Variants in EXOC7 observed in about 807,000 individuals in gnomAD.
EXOC7 encodes exocyst complex component Exo70.
Under a neutral mutation model 87.6 loss-of-function variants are expected in EXOC7, and 51 were observed. The ratio of observed to expected loss-of-function variants is 0.58; its 90% CI spans 0.46 to 0.73. EXOC7 has a LOEUF of 0.73. Among genes scored for constraint, EXOC7 ranks in the 30% least tolerant of loss-of-function variants. The pLI is 0.00. For missense variants in EXOC7, 744 were observed against 888.4 expected (o/e 0.84, Z 2.07); for synonymous variants, 327 against 357.1 (o/e 0.92, Z 0.95).
rs535056333 is a variant in EXOC7 at position 76,082,372 on chromosome 17, G to A, written c.*1276C>T. On this transcript the variant is annotated 3_prime_UTR_variant, in exon 19 of 19. Coordinates refer to ENST00000589210, the MANE Select transcript of EXOC7 (RefSeq NM_001013839.4). ...CAGCTGAGAATCTAAGAAAGGAAGC[G>A]ATACAGGCTGATGACCCCTGGGGTT... The A allele has an allele frequency of 6.1e-6, 8 of 1,321,262 alleles. No homozygotes were observed. Among genetic ancestry groups the A allele is most frequent in the African/African-American group, 4.4e-5 (3 of 67,870 alleles). The allele number at this position is 1,321,262 out of a possible 1,614,324, so 81.8% of individuals were successfully genotyped here.
chr17:76,095,027 C>T (rs2067683159), intron 5 of EXOC7, among the ~76,000 whole-genome samples: 1 of 151,896 alleles, frequency 6.6e-6, no homozygotes, highest in South Asian at 2.1e-4. Flanking sequence ...GTGGTGTGAT[C>T]TTGGCTCACC....
In EXOC7 at chr17:76,097,873, A is replaced by G. The variant is rs2067850519; in HGVS notation, c.563T>C (p.Leu188Pro). 6.2e-7 allele frequency: 1 copy of G among 1,614,150 alleles called. No homozygotes were observed. The highest frequency in any genetic ancestry group is 8.5e-7 in the Non-Finnish European group (1 of 1,180,024). ...DDLEAQEDVTLEHLPESVLQD... is the reference protein window; with the variant it reads ...DDLEAQEDVTPEHLPESVLQD... ...GAGCACGCTCTCGGGCAGGTGCTCC[A>G]GGGTCACGTCCTCCTGGGCCTCCAG... is the stretch of plus-strand genomic sequence containing the variant. The change falls in exon 5 of 19, where the codon CTG becomes CCG. Residue 188 changes from leucine to proline, a missense_variant. Leu to Pro is a moderately conservative substitution (Grantham distance 98). Transcript: ENST00000589210.
intron 4 of EXOC7, among the ~76,000 whole-genome samples, chr17:76,100,276 G>A (rs1444105721): frequency 1.3e-5 from 2 of 152,078 alleles, no homozygotes; most frequent in Admixed American, 1.3e-4. Flanking sequence ...TGGAGATAAT[G>A]GTGATGGCTA....
intron 3 of EXOC7, 72 bp from the exon 4 acceptor site, chr17:76,101,448 A>C: frequency 6.4e-7 from 1 of 1,569,572 alleles, no homozygotes; most frequent in Non-Finnish European, 8.6e-7. Context: ...AGTATTTGGG[A>C]AAAAGAAAAT....
rs776415476 is a variant in EXOC7 at position 76,097,751 on chromosome 17, C to T, written c.640+45G>A. Reference sequence around the variant, plus strand: ...AAAAAAGAACAAAGGGGAGAAAACTCCCTCTGCCTCTGGTGTGTCATGTGG... The same window carrying T: ...AAAAAAGAACAAAGGGGAGAAAACTTCCTCTGCCTCTGGTGTGTCATGTGG... On this transcript the variant is annotated intron_variant, in intron 5 of 18. Transcript: ENST00000589210. 6.0e-6 allele frequency: 7 copies of T among 1,169,738 alleles called. No individual in the cohort carries two copies. In the Admixed American group the frequency reaches 1.3e-4, roughly 22 times the overall value. 72.5% of individuals were successfully genotyped at this position (1,169,738 alleles called of 1,614,324 possible). A position where few individuals can be genotyped will look rare whatever the true frequency, so the allele number is the denominator to read the frequency against.
chr17:76,088,621 C>T, intron 9 of EXOC7, 59 bp from the exon 10 acceptor site: 2 of 1,595,472 alleles, frequency 1.3e-6, no homozygotes, highest in East Asian at 2.2e-5. Context: ...GCATCTCACT[C>T]ACCCAGGGCC....
At chr17:76,096,214 G>A (rs954243543) in intron 5 of EXOC7, among the ~76,000 whole-genome samples, 2 of 152,100 alleles carry the variant, frequency 1.3e-5, no homozygotes, top group African/African-American at 4.8e-5. Flanking sequence ...AGAGTTGGAG[G>A]GCTAAAAAGT....
rs759435893 is a variant in EXOC7, at chr17:76,089,216, GGAT to G, written c.1003_1005del (p.Ile335del). The G allele has an allele frequency of 6.2e-7, 1 of 1,614,024 alleles. No individual in the cohort carries two copies. ...AAGGTCTTCTTCTGGTGGTGCTCGG[GGAT>G]GATGTCGGCCAGCAGCTGGTACTCG... On this transcript the variant is annotated inframe_deletion, in exon 8 of 19. Coordinates refer to ENST00000589210, the MANE Select transcript of EXOC7 (RefSeq NM_001013839.4).
chr17:76,089,224 T>C lies in EXOC7; in HGVS notation c.998A>G (p.Asp333Gly). 6.2e-7 allele frequency: 1 copy of C among 1,613,992 alleles called. No homozygotes were observed. Among genetic ancestry groups the C allele is most frequent in the Non-Finnish European group, 8.5e-7 (1 of 1,179,984 alleles). ...LAQSEYQLLA[D>G]IIPEHHQKKT... The stretch of plus-strand genomic sequence containing the variant: ...CTTCTGGTGGTGCTCGGGGATGATG[T>C]CGGCCAGCAGCTGGTACTCGCTCTG... The change falls in exon 8 of 19, where the codon GAC becomes GGC. Residue 333 changes from aspartate to glycine, a missense_variant. Asp to Gly is a moderately conservative substitution (Grantham distance 94). Coordinates refer to ENST00000589210, the MANE Select transcript of EXOC7 (RefSeq NM_001013839.4).
rs757934380 is a variant in EXOC7 at position 76,081,995 on chromosome 17, GC to G, written c.*1652del. The G allele has an allele frequency of 9.9e-6, 16 of 1,611,932 alleles. No individual in the cohort carries two copies. The highest frequency in any genetic ancestry group is 1.4e-5 in the Non-Finnish European group (16 of 1,179,610). Reference sequence around the variant, plus strand: ...TGGGGCCAAGAGCGGCCCCAGCCCAGCCCCGAGAGGGGAACAGCGAGAGCAC... The same window carrying G: ...TGGGGCCAAGAGCGGCCCCAGCCCAGCCCGAGAGGGGAACAGCGAGAGCAC... On this transcript the variant is annotated 3_prime_UTR_variant, in exon 19 of 19. Coordinates refer to ENST00000589210, the MANE Select transcript of EXOC7 (RefSeq NM_001013839.4).
At chr17:76,086,169 T>C (rs994614665) in intron 12 of EXOC7, 24 bp from the exon 13 acceptor site, 7 of 1,611,564 alleles carry the variant, frequency 4.3e-6, no homozygotes, top group African/African-American at 1.3e-5. Context: ...AGTCCTGTTA[T>C]TGCAGTGGCA....
chr17:76,103,719 C>T lies in EXOC7; in HGVS notation c.-27G>A, dbSNP rs2035345834. On this transcript the variant is annotated 5_prime_UTR_variant, in exon 1 of 19. Coordinates refer to ENST00000589210, the MANE Select transcript of EXOC7 (RefSeq NM_001013839.4). ...GCTCTGAACCCCGCGGCTCCCACTCCCCAGTATCTTTCCTCCGCGGGCCCA... is the reference window on the plus strand; with the variant it reads ...GCTCTGAACCCCGCGGCTCCCACTCTCCAGTATCTTTCCTCCGCGGGCCCA... 1.9e-6 allele frequency: 3 copies of T among 1,590,102 alleles called. No individual in the cohort carries two copies. Among genetic ancestry groups the T allele is most frequent in the Non-Finnish European group, 2.6e-6 (3 of 1,169,152 alleles).
At chr17:76,088,438 G>C in intron 10 of EXOC7, 26 bp downstream of exon 10, 1 of 1,604,918 alleles carries the variant, frequency 6.2e-7, no homozygotes, top group Non-Finnish European at 8.5e-7. Flanking sequence ...CCGGGAGGGA[G>C]GGAGAAAGGG....
rs577400432 is a variant in EXOC7, at chr17:76,088,984, G to A, written c.1048-61C>T. Reference sequence around the variant, plus strand: ...GGCGGTGGGAGCTAGTTCTGGGCTAGTGGGGGATCCTTGCAGTATGTAGGG... The same window carrying A: ...GGCGGTGGGAGCTAGTTCTGGGCTAATGGGGGATCCTTGCAGTATGTAGGG... On this transcript the variant is annotated intron_variant, in intron 8 of 18. Coordinates refer to ENST00000589210, the MANE Select transcript of EXOC7 (RefSeq NM_001013839.4). 13 of 1,566,256 alleles carry A rather than the reference G, an allele frequency of 8.3e-6. No homozygotes were observed. In the East Asian group the frequency reaches 2.7e-4, roughly 32 times the overall value.
In EXOC7 at chr17:76,083,256, G is replaced by T; in HGVS notation, c.*392C>A. On this transcript the variant is annotated 3_prime_UTR_variant, in exon 19 of 19. Transcript: ENST00000589210. ...TCTCTGAGCCCTGCCACATCTCTGG[G>T]CTGTAGGGGAGTTCTCTGTCCCCAC... is the stretch of plus-strand genomic sequence containing the variant. The T allele has an allele frequency of 5.0e-6, 1 of 201,482 alleles. No individual in the cohort carries two copies. Among genetic ancestry groups the T allele is most frequent in the Non-Finnish European group, 1.0e-5 (1 of 98,332 alleles). 12.5% of individuals were successfully genotyped at this position (201,482 alleles called of 1,614,324 possible). A position where few individuals can be genotyped will look rare whatever the true frequency, so the allele number is the denominator to read the frequency against.
chr17:76,100,374 T>C (rs1027855698), intron 4 of EXOC7, among the ~76,000 whole-genome samples: 1 of 151,670 alleles, frequency 6.6e-6, no homozygotes, highest in Non-Finnish European at 1.5e-5. Flanking sequence ...ACACCTGTAA[T>C]CCCAGCACCT....
chr17:76,087,495 C>T, intron 12 of EXOC7, 159 bp downstream of exon 12: 1 of 683,092 alleles, frequency 1.5e-6, no homozygotes, highest in South Asian at 1.9e-5. Flanking sequence ...GCAGGCAAAC[C>T]TTGCTCTCCT....
intron 2 of EXOC7, 79 bp downstream of exon 2, chr17:76,103,282 G>T: frequency 7.3e-7 from 1 of 1,367,870 alleles, no homozygotes; most frequent in South Asian, 1.2e-5. Context: ...CAGGCCGCAG[G>T]AACCGGAACC....
intron 5 of EXOC7, among the ~76,000 whole-genome samples, chr17:76,096,297 T>C (rs976818317): frequency 2.0e-5 from 3 of 152,070 alleles, no homozygotes; most frequent in Middle Eastern, 3.2e-3. Flanking sequence ...GTGGATCACC[T>C]GAGGTCAGGA....
Sources: allele counts gnomAD v4.1 joint callset (sites outside exome capture counted in the v4.1 genomes callset), GRCh38; gene constraint gnomAD v4.1.1; transcripts MANE v1.5; gene names NCBI Gene and HGNC (gene_info 2026-07-23, HGNC 2026-07-21).